The following ALMS1 variants were observed in gnomAD, a reference collection of about 807,000 sequenced individuals.
ALMS1 encodes the protein ALMS1 centrosome and basal body associated protein.
Under a neutral mutation model 352.2 loss-of-function variants are expected in ALMS1, and 271 were observed. The observed-to-expected ratio is 0.77, with a 90% CI of 0.70 to 0.85. ALMS1 has a LOEUF of 0.85. Ranked by LOEUF, ALMS1 falls within the 40% of genes least tolerant of loss-of-function variation. The pLI, the probability that ALMS1 is intolerant of heterozygous loss-of-function variation, is 0.00. For missense variants in ALMS1, 5,445 were observed against 4,870.7 expected (o/e 1.12, Z -3.51); for synonymous variants, 1,865 against 1,761.2 (o/e 1.06, Z -1.48).
chr2:73,522,467 C>CTTTT (rs137919148), intron 11 of ALMS1, among the ~76,000 whole-genome samples: 8 of 106,732 alleles, frequency 7.5e-5, no homozygotes, highest in Admixed American at 2.0e-4. Context: ...GGTTGAGGTC[C>CTTTT]TTTTTTTTTT....
At chr2:73,436,274 T>G (rs1391457345) in intron 7 of ALMS1, among the ~76,000 whole-genome samples, 2 of 152,236 alleles carry the variant, frequency 1.3e-5, no homozygotes, top group East Asian at 3.8e-4. Flanking sequence ...TTCTCTTGTA[T>G]GTAATTTGTT....
At position 73,425,405 on chromosome 2, in the gene ALMS1, T is replaced by G. The variant is rs114929010; in HGVS notation, c.1237+503T>G. Among the ~76,000 whole-genome samples the G allele has an allele frequency of 6.3e-3, 962 of 152,250 alleles. 12 individuals carry two copies. Among genetic ancestry groups the G allele is most frequent in the African/African-American group, 0.022 (906 of 41,532 alleles). ...TAGCTCCTGATAATTCTGTAAAAGT[T>G]TCAGAAGCACATGTACTCTCCAGGG... On this transcript the variant is annotated intron_variant, in intron 5 of 22. Coordinates refer to ENST00000613296, the MANE Select transcript of ALMS1 (RefSeq NM_001378454.1).
At chr2:73,540,190 C>A (rs1044615560) in intron 12 of ALMS1, among the ~76,000 whole-genome samples, 2 of 152,068 alleles carry the variant, frequency 1.3e-5, no homozygotes, top group African/African-American at 4.8e-5. Context: ...AAACTCCAAT[C>A]CAGAAGAGAG....
At chr2:73,400,292 A>T (rs1670849075) in intron 1 of ALMS1, among the ~76,000 whole-genome samples, 1 of 152,054 alleles carries the variant, frequency 6.6e-6, no homozygotes, top group Non-Finnish European at 1.5e-5. Flanking sequence ...CGTGGGATAA[A>T]CCCACTTGTC....
intron 9 of ALMS1, chr2:73,462,854 CAAA>C (rs1026070269): frequency 5.9e-5 from 9 of 151,922 alleles, no homozygotes; most frequent in Non-Finnish European, 1.2e-4. Context: ...TCAAAAGAGA[CAAA>C]GAAGGCCATT....
At chr2:73,582,689 G>A (rs930406873) in intron 16 of ALMS1, among the ~76,000 whole-genome samples, 1 of 152,194 alleles carries the variant, frequency 6.6e-6, no homozygotes. Context: ...TATAATCCAT[G>A]TAGCATGTTA....
intron 20 of ALMS1, among the ~76,000 whole-genome samples, 166 bp downstream of exon 20, chr2:73,602,534 T>G (rs956387875): frequency 3.3e-5 from 5 of 152,212 alleles, no homozygotes; most frequent in African/African-American, 4.8e-5. Context: ...TCTCCCCAAC[T>G]TAGCCGTCAG....
intron 2 of ALMS1, among the ~76,000 whole-genome samples, 170 bp from the exon 3 acceptor site, chr2:73,418,953 A>G (rs983864872): frequency 7.2e-5 from 11 of 152,240 alleles, no homozygotes; most frequent in Non-Finnish European, 1.2e-4. Flanking sequence ...GAAGAGGTCT[A>G]AAATGTAGTT....
At chr2:73,526,702 G>A (rs1253323081) in intron 11 of ALMS1, among the ~76,000 whole-genome samples, 1 of 152,064 alleles carries the variant, frequency 6.6e-6, no homozygotes, top group East Asian at 1.9e-4. Flanking sequence ...ATATAAGATT[G>A]TATCATTTGC....
intron 16 of ALMS1, among the ~76,000 whole-genome samples, chr2:73,582,453 C>T (rs1250845152): frequency 6.6e-6 from 1 of 152,180 alleles, no homozygotes; most frequent in Non-Finnish European, 1.5e-5. Context: ...TGTATTCACA[C>T]TATGTTGAAA....
intron 9 of ALMS1, among the ~76,000 whole-genome samples, chr2:73,477,784 T>C (rs1672613029): frequency 6.6e-6 from 1 of 152,186 alleles, no homozygotes; most frequent in South Asian, 2.1e-4. Flanking sequence ...GAATTGCTAG[T>C]GTATTAAAAT....
Position 73,572,515 on chromosome 2 carries a change from G to A in ALMS1, c.10638G>A (p.Lys3546=). ...CTAAGACAGATTATACCAGAATAAA[G>A]AGCCTCAGCATCAATGTGAATTTGG... is the stretch of plus-strand genomic sequence containing the variant. ...DKTKTDYTRI[K]SLSINVNLGN... The change falls in exon 16 of 23, where the codon AAG becomes AAA. Residue 3546 remains lysine (K), a synonymous_variant. Transcript: ENST00000613296. 6.2e-7 allele frequency: 1 copy of A among 1,613,728 alleles called. No homozygotes were observed. The highest frequency in any genetic ancestry group is 8.5e-7 in the Non-Finnish European group (1 of 1,179,966).
chr2:73,395,071 TATA>T (rs1558628489), intron 1 of ALMS1, among the ~76,000 whole-genome samples: 7 of 116,272 alleles, frequency 6.0e-5, no homozygotes, highest in African/African-American at 2.0e-4. Context: ...TATATATATA[TATA>T]TATATTTTTT....
intron 10 of ALMS1, among the ~76,000 whole-genome samples, chr2:73,497,803 A>C (rs1049041735): frequency 2.0e-5 from 3 of 152,104 alleles, no homozygotes; most frequent in African/African-American, 7.2e-5. Flanking sequence ...ATGGGCATTT[A>C]GGTTTTTATG....
chr2:73,497,126 T>TA (rs1673125450), intron 10 of ALMS1, among the ~76,000 whole-genome samples: 1 of 152,280 alleles, frequency 6.6e-6, no homozygotes, highest in African/African-American at 2.4e-5. Flanking sequence ...TTTCAGCACT[T>TA]AAAAAATATG....
At chr2:73,437,529 T>C (rs1671627764) in intron 7 of ALMS1, among the ~76,000 whole-genome samples, 1 of 152,214 alleles carries the variant, frequency 6.6e-6, no homozygotes, top group Admixed American at 6.5e-5. Context: ...CAGTGTTCTT[T>C]CTTTACAGCC....
At chr2:73,600,928 C>G in intron 18 of ALMS1, 47 bp downstream of exon 18, 1 of 1,580,758 alleles carries the variant, frequency 6.3e-7, no homozygotes, top group African/African-American at 1.4e-5. Context: ...TAGTGAATTT[C>G]AAGTCCCCTG....
intron 1 of ALMS1, 61 bp downstream of exon 1, chr2:73,386,253 G>T: frequency 7.0e-7 from 1 of 1,421,668 alleles, no homozygotes; most frequent in East Asian, 2.8e-5. Flanking sequence ...GCTGGGCCCC[G>T]AGCGCTCCGC....
intron 1 of ALMS1, among the ~76,000 whole-genome samples, chr2:73,389,952 G>A (rs894264040): frequency 6.6e-6 from 1 of 152,152 alleles, no homozygotes; most frequent in Non-Finnish European, 1.5e-5. Context: ...CTCCCAAAGT[G>A]TTGGGATTAG....
Sources: allele counts gnomAD v4.1 joint callset (sites outside exome capture counted in the v4.1 genomes callset), GRCh38; gene constraint gnomAD v4.1.1; transcripts MANE v1.5; gene names NCBI Gene and HGNC (gene_info 2026-07-23, HGNC 2026-07-21).